PPM1B: variants seen among roughly 807,000 people sequenced by gnomAD.
PPM1B encodes the protein protein phosphatase, Mg2+/Mn2+ dependent 1B, also known as protein phosphatase 1B.
Under a neutral mutation model 43.0 loss-of-function variants are expected in PPM1B, and 22 were observed. The observed-to-expected ratio is 0.51, with a 90% CI of 0.37 to 0.73. The LOEUF (loss-of-function observed/expected upper bound fraction) is 0.73. Ranked by LOEUF, PPM1B falls within the 30% of genes least tolerant of loss-of-function variation. PPM1B has a pLI of 0.00. For missense variants in PPM1B, 632 were observed against 584.2 expected, an observed-to-expected ratio of 1.08 and a Z score of -0.84; for synonymous variants, 217 against 197.9, an observed-to-expected ratio of 1.10 and a Z score of -0.81.
chr2:44,220,286 T>G (rs1168782049), intron 5 of PPM1B, among the ~76,000 whole-genome samples: 1 of 141,290 alleles, frequency 7.1e-6, no homozygotes, highest in Non-Finnish European at 1.5e-5. Context: ...ATATATACCT[T>G]GCTGGATTTT....
exon 6 of PPM1B, chr2:44,244,314 C>A (rs1257894527): frequency 1.5e-6 from 2 of 1,361,364 alleles, no homozygotes; most frequent in Non-Finnish European, 2.0e-6. Flanking sequence ...TCCAAGCACT[C>A]AGAAGCACGC....
At chr2:44,189,469 TTTTA>T (rs1219883424) in intron 1 of PPM1B, among the ~76,000 whole-genome samples, 38 of 152,202 alleles carry the variant, frequency 2.5e-4, no homozygotes, top group African/African-American at 8.7e-4. Flanking sequence ...TCTTTTTTAT[TTTTA>T]TTTATTTATT....
intron 1 of PPM1B, among the ~76,000 whole-genome samples, chr2:44,171,810 C>T (rs1667358914): frequency 7.1e-6 from 1 of 140,202 alleles, no homozygotes; most frequent in South Asian, 2.3e-4. Context: ...AGCCTGGGTG[C>T]CAGAGTAAGA....
chr2:44,181,804 A>C (rs950553687), intron 1 of PPM1B, among the ~76,000 whole-genome samples: 5 of 152,186 alleles, frequency 3.3e-5, no homozygotes, highest in Non-Finnish European at 5.9e-5. Flanking sequence ...ATCTAGACTA[A>C]AATTCATCTG....
chr2:44,241,034 A>C (rs1670733791), intron 5 of PPM1B, among the ~76,000 whole-genome samples: 1 of 136,744 alleles, frequency 7.3e-6, no homozygotes, highest in African/African-American at 2.6e-5. Flanking sequence ...ACGGAGTTTC[A>C]CTCTTGTCGC....
At chr2:44,227,026 T>C (rs1353768226) in intron 5 of PPM1B, among the ~76,000 whole-genome samples, 1 of 151,602 alleles carries the variant, frequency 6.6e-6, no homozygotes, top group Admixed American at 6.6e-5. Flanking sequence ...CAGGCTGGAG[T>C]GTAGAGGCAT....
chr2:44,192,722 G>T (rs114853160), intron 1 of PPM1B, among the ~76,000 whole-genome samples: 499 of 152,108 alleles, frequency 3.3e-3, no homozygotes, highest in African/African-American at 0.012. Context: ...TCCCCATTTT[G>T]CACCACCCTC....
At chr2:44,244,338 T>G in exon 6 of PPM1B, 1 of 1,360,546 alleles carries the variant, frequency 7.3e-7, no homozygotes, top group Non-Finnish European at 9.8e-7. Context: ...CAAAAAGGTT[T>G]TTTTGTAAAC....
chr2:44,210,401 G>C (rs1572728624), intron 3 of PPM1B, among the ~76,000 whole-genome samples: 1 of 151,700 alleles, frequency 6.6e-6, no homozygotes, highest in African/African-American at 2.4e-5. Context: ...TTTATTTTTT[G>C]TAAAGATGAG....
chr2:44,185,277 C>G (rs1668066162), intron 1 of PPM1B, among the ~76,000 whole-genome samples: 1 of 152,100 alleles, frequency 6.6e-6, no homozygotes. Context: ...ATTAATTCCT[C>G]TTGTATGATA....
At chr2:44,185,083 A>G (rs895905597) in intron 1 of PPM1B, among the ~76,000 whole-genome samples, 1 of 151,618 alleles carries the variant, frequency 6.6e-6, no homozygotes, top group African/African-American at 2.4e-5. Flanking sequence ...TAATTATTGT[A>G]TACATTTTAT....
Position 44,201,199 on chromosome 2 carries a change from C to T in PPM1B, c.-1C>T, listed in dbSNP as rs375875874. 7.7e-5 allele frequency: 122 copies of T among 1,580,460 alleles called. No individual in the cohort carries two copies. In the East Asian group the frequency reaches 1.8e-3, roughly 23 times the overall value. On this transcript the variant is annotated 5_prime_UTR_variant, in exon 2 of 6. Coordinates refer to ENST00000282412, the MANE Select transcript of PPM1B (RefSeq NM_002706.6). The surrounding 1 kb of genome is among the most constrained non-coding windows in gnomAD (Gnocchi z 5.4). ...TTTTTATTTCAGATTTATTGCTAAA[C>T]ATGGGTGCATTTTTGGATAAACCCA... is the stretch of plus-strand genomic sequence containing the variant.
At chr2:44,238,908 T>A (rs1670687480), downstream of PPM1B, among the ~76,000 whole-genome samples, 1 of 152,050 alleles carries the variant, frequency 6.6e-6, no homozygotes, top group African/African-American at 2.4e-5. Flanking sequence ...ATATTTTACA[T>A]GTACAATCAA....
chr2:44,213,365 A>G (rs1669572300), intron 3 of PPM1B, among the ~76,000 whole-genome samples: 1 of 150,246 alleles, frequency 6.7e-6, no homozygotes, highest in South Asian at 2.1e-4. Flanking sequence ...TGGAGAAAAT[A>G]CATTTGAATG....
intron 1 of PPM1B, among the ~76,000 whole-genome samples, chr2:44,189,923 A>C (rs1668323440): frequency 6.6e-6 from 1 of 151,892 alleles, no homozygotes; most frequent in African/African-American, 2.4e-5. Flanking sequence ...CTTTACTAAC[A>C]TTTTGATGGC....
At chr2:44,229,062 A>G (rs1213836966) in intron 5 of PPM1B, among the ~76,000 whole-genome samples, 1 of 151,912 alleles carries the variant, frequency 6.6e-6, no homozygotes, top group Non-Finnish European at 1.5e-5. Context: ...CATGCCTGTA[A>G]TCCCAGCTAC....
chr2:44,214,936 A>T (rs970572533), intron 3 of PPM1B, among the ~76,000 whole-genome samples: 5 of 152,242 alleles, frequency 3.3e-5, no homozygotes, highest in Non-Finnish European at 7.3e-5. Context: ...CTGTAACTTT[A>T]TATGAACTCT....
intron 5 of PPM1B, chr2:44,230,096 T>C: frequency 6.6e-7 from 1 of 1,506,268 alleles, no homozygotes; most frequent in Non-Finnish European, 8.8e-7. Flanking sequence ...CCAAATATTG[T>C]TTAAGTAAGT....
At chr2:44,221,928 T>G (rs1669994305) in intron 5 of PPM1B, among the ~76,000 whole-genome samples, 1 of 152,130 alleles carries the variant, frequency 6.6e-6, no homozygotes, top group African/African-American at 2.4e-5. Context: ...TAAACTAACT[T>G]TTTAGAATGT....
Sources: gnomAD v4.1 joint callset for allele counts (sites outside exome capture counted in the v4.1 genomes callset) on GRCh38, gnomAD v4.1.1 for gene constraint, Gnocchi (gnomAD v3.1) non-coding constraint, MANE v1.5 for transcripts, NCBI Gene and HGNC (gene_info 2026-07-23, HGNC 2026-07-21) for gene names.